The following EFL1 variants were observed in gnomAD, a reference collection of about 807,000 sequenced individuals.
EFL1 encodes the protein elongation factor-like GTPase 1.
Under a neutral mutation model 126.7 loss-of-function variants are expected in EFL1, and 76 were observed. The ratio of observed to expected loss-of-function variants is 0.60; its 90% confidence interval spans 0.50 to 0.73. The LOEUF (loss-of-function observed/expected upper bound fraction) is 0.73, where lower values mean the gene tolerates loss of function less well. EFL1 is among the 30% of genes least tolerant of loss of function. The probability of loss-of-function intolerance (pLI) is 0.00; values close to 1 mark genes in which losing one functional copy is unlikely to be tolerated. For synonymous variants in EFL1, 410 were observed against 448.4 expected (o/e 0.91, Z 1.08); for missense variants, 1,128 against 1,343.2 (o/e 0.84, Z 2.50).
chr15:82,236,091 T>A (rs2074870300), intron 7 of EFL1, among the ~76,000 whole-genome samples: 1 of 150,732 alleles, frequency 6.6e-6, no homozygotes, highest in Non-Finnish European at 1.5e-5. Context: ...AAATGAAAAA[T>A]TAAGTGTAAA....
At chr15:82,204,869 C>T (rs769148872) in intron 15 of EFL1, among the ~76,000 whole-genome samples, 2 of 152,332 alleles carry the variant, frequency 1.3e-5, no homozygotes, top group Admixed American at 6.5e-5. Flanking sequence ...AGTATGTTTC[C>T]AGCATATCTT....
intron 4 of EFL1, among the ~76,000 whole-genome samples, chr15:82,244,632 G>T (rs1304562957): frequency 2.0e-5 from 3 of 152,136 alleles, no homozygotes; most frequent in Non-Finnish European, 4.4e-5. Context: ...AAAAAAGTTG[G>T]AAGAACTGAA....
intron 6 of EFL1, among the ~76,000 whole-genome samples, chr15:82,239,608 A>C (rs2141325622): frequency 6.6e-6 from 1 of 152,340 alleles, no homozygotes; most frequent in South Asian, 2.1e-4. Context: ...TATCAGGTTC[A>C]CTGACATCTA....
intron 17 of EFL1, 76 bp downstream of exon 17, chr15:82,157,637 A>T: frequency 2.0e-6 from 3 of 1,480,160 alleles, no homozygotes; most frequent in Non-Finnish European, 1.8e-6. Flanking sequence ...GTCTAAGTTC[A>T]ACTGGTTTAG....
In EFL1 at chr15:82,162,035, T is replaced by A. The variant is rs536880785; in HGVS notation, c.1882+1818A>T. On this transcript the variant is annotated intron_variant, in intron 16 of 19. Transcript: ENST00000268206. Reference sequence around the variant, plus strand: ...GCTCACACCTGTAATCCCAGCACTCTAAGAGGCTGAGGTGAGAGGACTGCT... The same window carrying A: ...GCTCACACCTGTAATCCCAGCACTCAAAGAGGCTGAGGTGAGAGGACTGCT... 2.9e-3 allele frequency among the ~76,000 whole-genome samples: 436 copies of A among 152,272 alleles called. 4 individuals carry two copies. Among genetic ancestry groups the A allele is most frequent in the African/African-American group, 0.01 (416 of 41,526 alleles).
At chr15:82,163,184 G>T (rs1327749982) in intron 16 of EFL1, among the ~76,000 whole-genome samples, 1 of 152,176 alleles carries the variant, frequency 6.6e-6, no homozygotes, top group Non-Finnish European at 1.5e-5. Flanking sequence ...GAGGGAAGAG[G>T]CAAATGATGA....
chr15:82,230,831 G>GACATAT lies in EFL1; in HGVS notation c.855+11_855+16dup. On this transcript the variant is annotated intron_variant, in intron 8 of 19. Coordinates refer to ENST00000268206, the MANE Select transcript of EFL1 (RefSeq NM_024580.6). ...AAGAATATGACCAACAACCAAAAGG[G>GACATAT]ACATATACCACATTACCTGATCACC... 1.3e-6 allele frequency: 2 copies of GACATAT among 1,599,764 alleles called. No individual in the cohort carries two copies. The highest frequency in any genetic ancestry group is 1.7e-6 in the Non-Finnish European group (2 of 1,174,516).
intron 15 of EFL1, among the ~76,000 whole-genome samples, chr15:82,212,087 A>G (rs1387866362): frequency 1.3e-5 from 2 of 152,154 alleles, no homozygotes; most frequent in African/African-American, 4.8e-5. Flanking sequence ...TCCACCTAGG[A>G]TGTCAACCTG....
At chr15:82,188,851 G>A (rs2074328379) in intron 15 of EFL1, among the ~76,000 whole-genome samples, 1 of 148,590 alleles carries the variant, frequency 6.7e-6, no homozygotes, top group Admixed American at 6.7e-5. Context: ...GCAGTTCTTT[G>A]TTAAAAGGAA....
At chr15:82,146,876 A>G (rs1000896722) in intron 18 of EFL1, among the ~76,000 whole-genome samples, 1 of 152,180 alleles carries the variant, frequency 6.6e-6, no homozygotes, top group Non-Finnish European at 1.5e-5. Flanking sequence ...GAGAGGTGAC[A>G]AAGAACCCTG....
chr15:82,238,398 C>T lies in EFL1; in HGVS notation c.640G>A (p.Gly214Ser). Residue 214 changes from glycine to serine, a missense_variant, in exon 7 of 20, where the codon GGC becomes AGC. This residue lies in a region of EFL1 where 316 missense variants were observed against 318.5 expected (regional missense o/e 0.99). Coordinates refer to ENST00000268206, the MANE Select transcript of EFL1 (RefSeq NM_024580.6). ...TGAGAATCATCTGTGTCCTCCAAGC[C>T]AGTGCTCCAGTCATATACTTGCTCT... is the stretch of plus-strand genomic sequence containing the variant. ...QGEQVYDWST[G>S]LEDTDDSHLY... 1 of 1,614,168 alleles carries T rather than the reference C, an allele frequency of 6.2e-7. No homozygotes were observed. The highest frequency in any genetic ancestry group is 8.5e-7 in the Non-Finnish European group (1 of 1,180,036).
At chr15:82,138,412 G>GAGAC (rs1280571600) in intron 19 of EFL1, among the ~76,000 whole-genome samples, 4 of 111,982 alleles carry the variant, frequency 3.6e-5, no homozygotes, top group Admixed American at 1.1e-4. Flanking sequence ...ACAAATGAGA[G>GAGAC]AGAGAGAGAG....
chr15:82,188,739 G>A (rs1414363739), intron 15 of EFL1, among the ~76,000 whole-genome samples: 1 of 151,942 alleles, frequency 6.6e-6, no homozygotes, highest in Non-Finnish European at 1.5e-5. Context: ...ACACTTAGTT[G>A]GCTTAACCTG....
intron 15 of EFL1, among the ~76,000 whole-genome samples, chr15:82,170,342 C>T (rs1317373390): frequency 6.6e-6 from 1 of 151,888 alleles, no homozygotes; most frequent in Admixed American, 6.6e-5. Context: ...TCTCGATCTC[C>T]TGACCTCGTG....
intron 17 of EFL1, 55 bp from the exon 18 acceptor site, chr15:82,152,478 G>C: frequency 1.4e-6 from 2 of 1,447,652 alleles, no homozygotes; most frequent in Non-Finnish European, 1.9e-6. Context: ...TAGCATCAAA[G>C]CTCCTGTGTA....
intron 18 of EFL1, among the ~76,000 whole-genome samples, chr15:82,144,943 G>A (rs944661432): frequency 6.6e-5 from 10 of 151,396 alleles, no homozygotes; most frequent in African/African-American, 2.4e-4. Flanking sequence ...CAGTGAGCCA[G>A]GATCGTGCCA....
At chr15:82,151,359 G>C (rs1215954335) in intron 18 of EFL1, 106 bp downstream of exon 18, 2 of 1,122,828 alleles carry the variant, frequency 1.8e-6, no homozygotes, top group South Asian at 3.0e-5. Context: ...CTGCACTCCA[G>C]CTGGGGCGAC....
chr15:82,247,682 C>T (rs2074985254), intron 4 of EFL1, among the ~76,000 whole-genome samples: 1 of 151,954 alleles, frequency 6.6e-6, no homozygotes, highest in Non-Finnish European at 1.5e-5. Flanking sequence ...AAGGGGGAAA[C>T]GTCAATAAAA....
intron 7 of EFL1, among the ~76,000 whole-genome samples, chr15:82,235,533 G>A (rs1473139262): frequency 2.6e-5 from 4 of 151,832 alleles, no homozygotes; most frequent in South Asian, 2.1e-4. Context: ...ATGCAAGACT[G>A]GCTCAATATT....
Sources: gnomAD v4.1 joint callset for allele counts (sites outside exome capture counted in the v4.1 genomes callset) on GRCh38, gnomAD v4.1.1 for gene constraint, gnomAD v4.1.1 regional missense constraint, MANE v1.5 for transcripts, NCBI Gene and HGNC (gene_info 2026-07-23, HGNC 2026-07-21) for gene names.